The following PRRC2B variants were observed in gnomAD, a reference collection of about 807,000 sequenced individuals.
PRRC2B encodes proline rich coiled-coil 2B.
Under a neutral mutation model 242.3 loss-of-function variants are expected in PRRC2B, and 68 were observed. The ratio of observed to expected loss-of-function variants is 0.28; its 90% CI spans 0.23 to 0.34. The LOEUF (loss-of-function observed/expected upper bound fraction) is 0.34. Ranked by LOEUF, PRRC2B falls within the 10% of genes least tolerant of loss-of-function variation. The pLI is 1.00. For missense variants in PRRC2B, 2,835 were observed against 2,954.8 expected (o/e 0.96, Z 0.94); for synonymous variants, 1,228 against 1,173.6 (o/e 1.05, Z -0.95).
In PRRC2B at chr9:131,491,470, A is replaced by G; in HGVS notation, c.6271A>G (p.Ile2091Val). The change falls in exon 29 of 32, where the codon ATC becomes GTC. Residue 2091 changes from isoleucine to valine, a missense_variant. Physicochemically the swap from Ile to Val is conservative, Grantham distance 29. Coordinates refer to ENST00000683519, the MANE Select transcript of PRRC2B (RefSeq NM_013318.4). ...PRYGSGQQPLILPQSIQLPPG... is the reference protein window; with the variant it reads ...PRYGSGQQPLVLPQSIQLPPG... ...GTACGGCTCCGGGCAGCAGCCACTG[A>G]TCCTGCCCCAGTCTATTCAGCTGCC... The G allele has an allele frequency of 6.2e-7, 1 of 1,611,730 alleles. No individual in the cohort carries two copies. Among genetic ancestry groups the G allele is most frequent in the Non-Finnish European group, 8.5e-7 (1 of 1,179,278 alleles).
At chr9:131,411,448 T>G (rs1421632048) in intron 1 of PRRC2B, among the ~76,000 whole-genome samples, 3 of 148,770 alleles carry the variant, frequency 2.0e-5, no homozygotes, top group Admixed American at 6.7e-5. Context: ...CCGGGTTCAC[T>G]CCATTCTCCT....
At chr9:131,467,181 C>T (rs548136194) in intron 12 of PRRC2B, among the ~76,000 whole-genome samples, 8 of 152,160 alleles carry the variant, frequency 5.3e-5, no homozygotes, top group South Asian at 4.2e-4. Flanking sequence ...GTGATCCACC[C>T]GCCTCAGCCT....
At chr9:131,420,509 TTG>T (rs1460118531) in intron 1 of PRRC2B, among the ~76,000 whole-genome samples, 14 of 38,662 alleles carry the variant, frequency 3.6e-4, no homozygotes, top group African/African-American at 9.6e-4. Context: ...TTTTTTTTTT[TTG>T]AGATGGAGGC....
At chr9:131,478,170 C>G (rs1004443733) in intron 17 of PRRC2B, among the ~76,000 whole-genome samples, 5 of 152,152 alleles carry the variant, frequency 3.3e-5, no homozygotes, top group African/African-American at 1.2e-4. Flanking sequence ...CACCCTGCAG[C>G]TTCCGGGCTT....
Position 131,446,785 on chromosome 9 carries a change from C to T in PRRC2B, c.855+143C>T. The stretch of plus-strand genomic sequence containing the variant: ...GAGGCTTCCACTCGTTTTGCATTTT[C>T]TCTCCCTGCTTTTTAAATCTTCAGG... On this transcript the variant is annotated intron_variant, in intron 7 of 31. Transcript: ENST00000683519. This position sits in a 1 kb window ranked among gnomAD's most constrained non-coding sequence, Gnocchi z 4.1. 1 of 995,254 alleles carries T rather than the reference C, an allele frequency of 1.0e-6. No individual in the cohort carries two copies. Among genetic ancestry groups the T allele is most frequent in the South Asian group, 1.7e-5 (1 of 58,878 alleles). 61.7% of individuals were successfully genotyped at this position (995,254 alleles called of 1,614,324 possible).
Position 131,490,640 on chromosome 9 carries a change from C to T in PRRC2B, c.6226-785C>T, listed in dbSNP as rs995613072. On this transcript the variant is annotated intron_variant, in intron 28 of 31. Transcript: ENST00000683519. Reference sequence around the variant, plus strand: ...CTTACAGTCTCTGGGCCCACATCCCCACCTCGCATATCTTGTTCTAGTTAG... The same window carrying T: ...CTTACAGTCTCTGGGCCCACATCCCTACCTCGCATATCTTGTTCTAGTTAG... The T allele has an allele frequency of 3.7e-4, 192 of 517,954 alleles. 1 individual carries two copies. The highest frequency in any genetic ancestry group is 5.0e-5 in the Non-Finnish European group (13 of 259,290). The allele number at this position is 517,954 out of a possible 1,614,324, so 32.1% of individuals were successfully genotyped here.
At chr9:131,454,653 C>T (rs80233356) in intron 9 of PRRC2B, among the ~76,000 whole-genome samples, 3 of 145,740 alleles carry the variant, frequency 2.1e-5, no homozygotes, top group Admixed American at 1.4e-4. Flanking sequence ...TTTTTTTTTT[C>T]GAGATGGAGT....
chr9:131,425,473 A>T (rs1415779040), intron 1 of PRRC2B, among the ~76,000 whole-genome samples: 1 of 151,806 alleles, frequency 6.6e-6, no homozygotes, highest in Non-Finnish European at 1.5e-5. Flanking sequence ...AGCTTTTAAG[A>T]GGACTTTTGT....
In PRRC2B at chr9:131,494,608, C is replaced by T. The variant is rs1042756406; in HGVS notation, c.6555+122C>T. 41 of 594,846 alleles carry T rather than the reference C, an allele frequency of 6.9e-5. No individual in the cohort carries two copies. Among genetic ancestry groups the T allele is most frequent in the Non-Finnish European group, 9.5e-5 (32 of 336,916 alleles). The allele number at this position is 594,846 out of a possible 1,614,324, so 36.8% of individuals were successfully genotyped here. ...CTGTCTAAAGACAGCCATGCCCTAG[C>T]GGTTAGAGCACAGAACCGGGAGCTG... On this transcript the variant is annotated intron_variant, in intron 31 of 31. Coordinates refer to ENST00000683519, the MANE Select transcript of PRRC2B (RefSeq NM_013318.4). This position sits in a 1 kb window ranked among gnomAD's most constrained non-coding sequence, Gnocchi z 4.3.
chr9:131,447,695 C>T lies in PRRC2B; in HGVS notation c.1011C>T (p.Leu337=). 1.9e-6 allele frequency: 3 copies of T among 1,611,570 alleles called. No individual in the cohort carries two copies. Among genetic ancestry groups the T allele is most frequent in the Non-Finnish European group, 2.5e-6 (3 of 1,178,618 alleles). The change falls in exon 9 of 32, where the codon CTC becomes CTT. Residue 337 remains leucine (L), a synonymous_variant. Transcript: ENST00000683519. ...ACAGGCTGGGATTGTCTCGCCCACTCCGCCCACTAAGGCAGCTGGTGGAGC... is the reference window on the plus strand; with the variant it reads ...ACAGGCTGGGATTGTCTCGCCCACTTCGCCCACTAAGGCAGCTGGTGGAGC... ...KENRLGLSRP[L]RPLRQLVERA... is the part of the protein sequence containing the mutation.
rs772000955 is a variant in PRRC2B, at chr9:131,446,618, A to G, written c.831A>G (p.Thr277=). The G allele has an allele frequency of 7.4e-6, 12 of 1,613,880 alleles. No individual in the cohort carries two copies. The highest frequency in any genetic ancestry group is 1.1e-5 in the South Asian group (1 of 91,084). Residue 277 remains threonine, a synonymous_variant, in exon 7 of 32, where the codon ACA becomes ACG. Transcript: ENST00000683519. The surrounding 1 kb of genome is among the most constrained non-coding windows in gnomAD (Gnocchi z 4.1). ...TGGGAAATGTATACCACCCACCTACATACCATGACATGCTTCCTGCTTTTG... is the reference window on the plus strand; with the variant it reads ...TGGGAAATGTATACCACCCACCTACGTACCATGACATGCTTCCTGCTTTTG... The part of the protein sequence containing the change: ...QFMGNVYHPP[T]YHDMLPAFMC...
chr9:131,485,519 G>A (rs1457234515), intron 25 of PRRC2B: 11 of 465,672 alleles, frequency 2.4e-5, no homozygotes, highest in African/African-American at 5.9e-5. Context: ...GGCCACACCC[G>A]TGAGGCCAGG....
rs1944416374 is a variant in PRRC2B at position 131,499,650 on chromosome 9, T to A, written c.*3776T>A. ...GTAGTTGGCTGGTGGTCTTCGGGCA[T>A]GTGAGACCTGCTCTTCACTGTTTCC... On this transcript the variant is annotated 3_prime_UTR_variant, in exon 32 of 32. Transcript: ENST00000683519. 6.6e-6 allele frequency: 1 copy of A among 152,206 alleles called. No homozygotes were observed. Among genetic ancestry groups the A allele is most frequent in the Non-Finnish European group, 1.5e-5 (1 of 68,044 alleles). 9.4% of individuals were successfully genotyped at this position (152,206 alleles called of 1,614,324 possible).
At chr9:131,440,825 G>T (rs1359502902) in intron 5 of PRRC2B, among the ~76,000 whole-genome samples, 1 of 71,090 alleles carries the variant, frequency 1.4e-5, no homozygotes, top group African/African-American at 4.9e-5. Flanking sequence ...AAAAATGGGG[G>T]TGAGGGCTGG....
rs951718652 is a variant in PRRC2B at position 131,413,770 on chromosome 9, C to G, written c.-51-16324C>G. On this transcript the variant is annotated intron_variant, in intron 1 of 31. Coordinates refer to ENST00000683519, the MANE Select transcript of PRRC2B (RefSeq NM_013318.4). ...CACTGCAACCTCTGCCTCCCAGGTT[C>G]AAGCGATTCTTCGGCCTCAGCCTCC... Among the ~76,000 whole-genome samples the G allele has an allele frequency of 5.9e-5, 9 of 152,208 alleles. No individual in the cohort carries two copies. In the East Asian group the frequency reaches 1.7e-3, roughly 29 times the overall value.
rs376359373 is a variant in PRRC2B, at chr9:131,487,740, G to A, written c.5985-116G>A. 6.5e-6 allele frequency: 9 copies of A among 1,381,166 alleles called. No homozygotes were observed. The African/African-American group carries it at 7.2e-5, about 11-fold the overall frequency. The allele number at this position is 1,381,166 out of a possible 1,614,324, so 85.6% of individuals were successfully genotyped here. Reference sequence around the variant, plus strand: ...CCTGGACCCTCTGAGTCGCGCTCTGGGGGTGGGGCCGGGGATCTGTGGTTT... The same window carrying A: ...CCTGGACCCTCTGAGTCGCGCTCTGAGGGTGGGGCCGGGGATCTGTGGTTT... On this transcript the variant is annotated intron_variant, in intron 27 of 31. Coordinates refer to ENST00000683519, the MANE Select transcript of PRRC2B (RefSeq NM_013318.4). The surrounding 1 kb of genome is among the most constrained non-coding windows in gnomAD (Gnocchi z 5.3).
chr9:131,373,773 G>C (rs972077425), intron 1 of PRRC2B: 1 of 152,094 alleles, frequency 6.6e-6, no homozygotes, highest in Non-Finnish European at 1.5e-5. Flanking sequence ...AGGATCGCTC[G>C]TCTAGGCCGG....
At chr9:131,434,956 G>A (rs865801754) in intron 3 of PRRC2B, among the ~76,000 whole-genome samples, 2 of 152,050 alleles carry the variant, frequency 1.3e-5, no homozygotes, top group Admixed American at 6.6e-5. Context: ...TTCTAAGGTC[G>A]TATGCTATGG....
At position 131,416,150 on chromosome 9, in the gene PRRC2B, C is replaced by G. The variant is rs148452238; in HGVS notation, c.-51-13944C>G. Among the ~76,000 whole-genome samples the G allele has an allele frequency of 4.3e-3, 648 of 151,852 alleles. 2 individuals are homozygous for G. The highest frequency in any genetic ancestry group is 0.013 in the African/African-American group (523 of 41,320). On this transcript the variant is annotated intron_variant, in intron 1 of 31. Transcript: ENST00000683519. ...TTAAGACAGTGTCTTGCTCTGTTGC[C>G]CAGGCTGGAGTGCAGTGGCGCCATC... is the stretch of plus-strand genomic sequence containing the variant.
Sources: allele counts gnomAD v4.1 joint callset (sites outside exome capture counted in the v4.1 genomes callset), GRCh38; gene constraint gnomAD v4.1.1; non-coding constraint Gnocchi (gnomAD v3.1); transcripts MANE v1.5; gene names NCBI Gene and HGNC (gene_info 2026-07-23, HGNC 2026-07-21).